Variants in HOMER2 observed in about 807,000 individuals in gnomAD.
HOMER2 encodes the protein homer scaffold protein 2.
In HOMER2, 27 loss-of-function variants were observed where a neutral mutation model predicts 47.0. The ratio of observed to expected loss-of-function variants is 0.57; its 90% CI spans 0.42 to 0.79. The LOEUF is 0.79. HOMER2 is among the 30% of genes least tolerant of loss of function. HOMER2 has a pLI of 0.00. For missense variants in HOMER2, 443 were observed against 435.0 expected, an observed-to-expected ratio of 1.02 and a Z score of -0.16; for synonymous variants, 161 against 163.8, an observed-to-expected ratio of 0.98 and a Z score of 0.13.
intron 3 of HOMER2, among the ~76,000 whole-genome samples, chr15:82,873,727 A>T (rs145102600): frequency 2.7e-4 from 41 of 152,366 alleles, no homozygotes; most frequent in Non-Finnish European, 5.0e-4. Context: ...TCAGAGTGCC[A>T]TCAGGCCATT....
exon 2 of HOMER2, chr15:82,843,952 AC>A (rs1241542389): frequency 2.0e-5 from 3 of 152,216 alleles, no homozygotes; most frequent in African/African-American, 7.2e-5. Flanking sequence ...TATTCATGCT[AC>A]CCGTCCATGC....
At position 82,864,229 on chromosome 15, in the gene HOMER2, C is replaced by T. The variant is rs1168806846; in HGVS notation, c.325G>A (p.Ala109Thr). Residue 109 changes from alanine (A) to threonine (T), a missense_variant, in exon 4 of 9, where the codon GCT becomes ACT. Physicochemically the swap from Ala to Thr is moderately conservative, Grantham distance 58 (BLOSUM62 0). Coordinates refer to ENST00000450735, the MANE Select transcript of HOMER2 (RefSeq NM_004839.4). The part of the protein sequence containing the change: ...FAEKFQEVKE[A>T]AKIAKDKTQE... ...GTCTTGTCTTTGGCTATCTTGGCAG[C>T]TTCTTTCACCTCCTGGAATTTCTCT... 2 of 1,612,356 alleles carry T rather than the reference C, an allele frequency of 1.2e-6. No individual in the cohort carries two copies. The highest frequency in any genetic ancestry group is 1.7e-6 in the Non-Finnish European group (2 of 1,179,182).
intron 3 of HOMER2, among the ~76,000 whole-genome samples, chr15:82,871,651 C>G (rs550131761): frequency 7.2e-5 from 11 of 152,242 alleles, no homozygotes; most frequent in African/African-American, 2.4e-4. Context: ...TTGTGGGCAC[C>G]GAGCAGAACT....
chr15:82,975,497 G>C (rs1940633719), intron 1 of HOMER2, among the ~76,000 whole-genome samples: 1 of 152,166 alleles, frequency 6.6e-6, no homozygotes, highest in Non-Finnish European at 1.5e-5. Flanking sequence ...ACAAAGTGTG[G>C]TACATATACA....
intron 2 of HOMER2, among the ~76,000 whole-genome samples, chr15:82,881,237 G>A (rs1054503949): frequency 6.6e-6 from 1 of 152,324 alleles, no homozygotes. Flanking sequence ...ACAAAACACA[G>A]GTAATCAAGA....
At chr15:82,963,866 C>T (rs2054651342) in intron 1 of HOMER2, among the ~76,000 whole-genome samples, 1 of 152,174 alleles carries the variant, frequency 6.6e-6, no homozygotes, top group Non-Finnish European at 1.5e-5. Context: ...CTCCAACATC[C>T]TCCATGCAGG....
At chr15:82,914,452 A>G (rs1343533835) in intron 1 of HOMER2, among the ~76,000 whole-genome samples, 2 of 152,152 alleles carry the variant, frequency 1.3e-5, no homozygotes, top group Non-Finnish European at 2.9e-5. Flanking sequence ...TGCTAAGTGA[A>G]ATAAACCAGT....
At chr15:82,875,551 C>T in intron 2 of HOMER2, 147 bp from the exon 3 acceptor site, 2 of 779,686 alleles carry the variant, frequency 2.6e-6, no homozygotes, top group Non-Finnish European at 4.1e-6. Flanking sequence ...CTGGAACAAC[C>T]CATGCTGAGT....
At chr15:82,981,568 C>T (rs1005147976) in intron 1 of HOMER2, among the ~76,000 whole-genome samples, 1 of 152,300 alleles carries the variant, frequency 6.6e-6, no homozygotes, top group East Asian at 1.9e-4. Flanking sequence ...TATCTATAAT[C>T]ACAGATGCAT....
At chr15:82,969,143 C>A (rs1375345629) in intron 1 of HOMER2, among the ~76,000 whole-genome samples, 4 of 152,188 alleles carry the variant, frequency 2.6e-5, no homozygotes, top group Admixed American at 2.6e-4. Flanking sequence ...CTTAAAACTG[C>A]ACTGCATCGA....
downstream of HOMER2, chr15:82,834,912 G>A (rs2051107312): frequency 6.7e-6 from 1 of 149,860 alleles, no homozygotes; most frequent in Non-Finnish European, 1.5e-5. Flanking sequence ...TCATGCTGAA[G>A]TATTTTCTCC....
chr15:82,952,427 CG>C, intron 1 of HOMER2, 103 bp downstream of exon 1: 4 of 825,616 alleles, frequency 4.8e-6, no homozygotes, highest in Non-Finnish European at 4.7e-6. Flanking sequence ...CTTGGGGAGG[CG>C]GGGGCCGGCC....
chr15:82,945,627 G>T (rs1410463808), intron 1 of HOMER2, among the ~76,000 whole-genome samples: 2 of 151,000 alleles, frequency 1.3e-5, no homozygotes, highest in African/African-American at 4.9e-5. Flanking sequence ...TTTATAATTA[G>T]AAAAAAGCAA....
chr15:82,963,278 T>G (rs182685666), intron 1 of HOMER2, among the ~76,000 whole-genome samples: 2 of 152,016 alleles, frequency 1.3e-5, no homozygotes, highest in Non-Finnish European at 2.9e-5. Flanking sequence ...TTTGTAGATA[T>G]GGGATCTCCC....
chr15:82,848,099 C>T (rs1040212427), downstream of HOMER2, among the ~76,000 whole-genome samples: 5 of 152,190 alleles, frequency 3.3e-5, no homozygotes, highest in Non-Finnish European at 7.4e-5. Context: ...CCAGCCTTCC[C>T]TTCCATCCAC....
At chr15:82,942,569 G>A (rs2054287947) in intron 1 of HOMER2, among the ~76,000 whole-genome samples, 1 of 152,164 alleles carries the variant, frequency 6.6e-6, no homozygotes, top group African/African-American at 2.4e-5. Context: ...GAGCACCCAC[G>A]ACAATGCCTG....
At chr15:82,946,766 A>G (rs1328358365) in intron 1 of HOMER2, among the ~76,000 whole-genome samples, 1 of 152,208 alleles carries the variant, frequency 6.6e-6, no homozygotes, top group African/African-American at 2.4e-5. Flanking sequence ...CACTCATTCA[A>G]TATCTACTTA....
At chr15:82,937,982 C>A (rs1238346580) in intron 1 of HOMER2, among the ~76,000 whole-genome samples, 1 of 152,220 alleles carries the variant, frequency 6.6e-6, no homozygotes, top group African/African-American at 2.4e-5. Context: ...TCAGCTCACT[C>A]CTCGCCCCAA....
chr15:82,864,154 A>T lies in HOMER2; in HGVS notation c.387+13T>A. The T allele has an allele frequency of 6.4e-7, 1 of 1,570,590 alleles. No individual in the cohort carries two copies. Among genetic ancestry groups the T allele is most frequent in the Non-Finnish European group, 8.7e-7 (1 of 1,144,094 alleles). On this transcript the variant is annotated intron_variant, in intron 4 of 8. Transcript: ENST00000450735. ...AACCCCACTGGGATTTACTTCATAG[A>T]CTAATGTCTTACTTGGGAATGATTA...
Sources: allele counts gnomAD v4.1 joint callset (sites outside exome capture counted in the v4.1 genomes callset), GRCh38; gene constraint gnomAD v4.1.1; transcripts MANE v1.5; gene names NCBI Gene and HGNC (gene_info 2026-07-23, HGNC 2026-07-21).